FTCDNL1: variants seen among roughly 807,000 people sequenced by gnomAD.
FTCDNL1 encodes the protein formiminotransferase N-terminal subdomain-containing protein.
In FTCDNL1, 11 loss-of-function variants were observed where a neutral mutation model predicts 5.9. That is an observed-to-expected ratio of 1.87 (90% CI 1.18 to 3.10). The LOEUF is 3.10. Among genes scored for constraint, FTCDNL1 ranks in the 30% most tolerant of loss-of-function variants. The pLI, the probability that FTCDNL1 is intolerant of heterozygous loss-of-function variation, is 0.00. For synonymous variants in FTCDNL1, 58 were observed against 24.8 expected, an observed-to-expected ratio of 2.34 and a Z score of -3.99; for missense variants, 115 against 65.5, an observed-to-expected ratio of 1.76 and a Z score of -2.61.
At chr2:199,796,420 C>T (rs1700173012) in intron 3 of FTCDNL1, among the ~76,000 whole-genome samples, 1 of 152,148 alleles carries the variant, frequency 6.6e-6, no homozygotes, top group Admixed American at 6.6e-5. Flanking sequence ...ATTTCTCTAG[C>T]AAACGGTACC....
chr2:199,744,275 C>T, the FTCDNL1 span, among the ~76,000 whole-genome samples: 1 of 152,268 alleles, frequency 6.6e-6, no homozygotes, highest in African/African-American at 2.4e-5. Context: ...GAAACCTGAA[C>T]CCTCAATGTG....
chr2:199,767,604 C>T (rs769715422), intron 3 of FTCDNL1, among the ~76,000 whole-genome samples: 1 of 152,162 alleles, frequency 6.6e-6, no homozygotes, highest in East Asian at 1.9e-4. Flanking sequence ...GATCTGCATT[C>T]GTGAATGGGA....
chr2:199,707,069 G>A, the FTCDNL1 span, among the ~76,000 whole-genome samples: 2,516 of 152,282 alleles, frequency 0.017, 24 homozygotes, highest in Non-Finnish European at 0.02. Flanking sequence ...CATGTCAGAC[G>A]TTATCACTTA....
At position 199,851,144 on chromosome 2, in the gene FTCDNL1, AGCCTCCGCCGCCGCGCGTG is replaced by A. The variant is rs2076868257; in HGVS notation, c.-431_-413del. 7.3e-6 allele frequency: 1 copy of A among 137,510 alleles called. No individual in the cohort carries two copies. Among genetic ancestry groups the A allele is most frequent in the African/African-American group, 3.0e-5 (1 of 32,852 alleles). The allele number at this position is 137,510 out of a possible 1,614,324, so 8.5% of individuals were successfully genotyped here. ...TCGCCGCCGCGCGTGGCCCGCGCGCAGCCTCCGCCGCCGCGCGTGGCCCGCGCGCAGCGTCTGCCGCCGG... is the reference window on the plus strand; with the variant it reads ...TCGCCGCCGCGCGTGGCCCGCGCGCAGCCCGCGCGCAGCGTCTGCCGCCGG... On this transcript the variant is annotated 5_prime_UTR_variant, in exon 1 of 5. Coordinates refer to ENST00000420128, the MANE Select transcript of FTCDNL1 (RefSeq NM_001363886.2).
intron 3 of FTCDNL1, among the ~76,000 whole-genome samples, chr2:199,834,093 T>G (rs1223356924): frequency 6.6e-6 from 1 of 152,124 alleles, no homozygotes; most frequent in Non-Finnish European, 1.5e-5. Context: ...TGAGTTAAGA[T>G]GAGGTCATAC....
At chr2:199,697,517 A>G in the FTCDNL1 span, among the ~76,000 whole-genome samples, 1 of 152,222 alleles carries the variant, frequency 6.6e-6, no homozygotes, top group Non-Finnish European at 1.5e-5. Context: ...AGAATTTCAT[A>G]TCCAGCCAAA....
intron 3 of FTCDNL1, among the ~76,000 whole-genome samples, chr2:199,778,310 T>C (rs549463585): frequency 2.0e-3 from 302 of 152,318 alleles, no homozygotes; most frequent in African/African-American, 6.6e-3. Flanking sequence ...ATCCAGTACA[T>C]TTCTAGGTAC....
the FTCDNL1 span, among the ~76,000 whole-genome samples, chr2:199,716,033 T>TAAAAAAAAAA: frequency 9.2e-6 from 1 of 108,964 alleles, no homozygotes; most frequent in Admixed American, 1.0e-4. Context: ...TGCCTCTAGT[T>TAAAAAAAAAA]AAAAAAAAAA....
chr2:199,789,213 T>C (rs1699803939), intron 3 of FTCDNL1, among the ~76,000 whole-genome samples: 2 of 152,184 alleles, frequency 1.3e-5, no homozygotes, highest in South Asian at 2.1e-4. Context: ...CACAGATTAA[T>C]CTTACAGTGA....
the FTCDNL1 span, among the ~76,000 whole-genome samples, chr2:199,703,816 T>A: frequency 6.6e-6 from 1 of 152,164 alleles, no homozygotes; most frequent in Non-Finnish European, 1.5e-5. Context: ...GTATTTAAAT[T>A]TTTCTATAAC....
the FTCDNL1 span, among the ~76,000 whole-genome samples, chr2:199,722,614 T>G: frequency 6.6e-6 from 1 of 152,180 alleles, no homozygotes; most frequent in African/African-American, 2.4e-5. Flanking sequence ...GGGCTCTTTT[T>G]TGGTTCCACA....
chr2:199,716,798 C>T, the FTCDNL1 span, among the ~76,000 whole-genome samples: 3 of 152,232 alleles, frequency 2.0e-5, no homozygotes, highest in South Asian at 2.1e-4. Context: ...ATAAAATTAG[C>T]AGTTTCCTGG....
chr2:199,683,509 A>AAC, the FTCDNL1 span, among the ~76,000 whole-genome samples: 3 of 151,632 alleles, frequency 2.0e-5, no homozygotes, highest in Non-Finnish European at 4.4e-5. Flanking sequence ...GCTTATTTTT[A>AAC]ACACTACCAG....
intron 4 of FTCDNL1, chr2:199,818,395 T>A (rs2106495928): frequency 6.6e-6 from 1 of 152,336 alleles, no homozygotes; most frequent in East Asian, 1.9e-4. Context: ...AAATCTCATC[T>A]TCATAGGGAA....
chr2:199,788,727 TA>T (rs1699779628), intron 3 of FTCDNL1, among the ~76,000 whole-genome samples: 1 of 151,852 alleles, frequency 6.6e-6, no homozygotes, highest in African/African-American at 2.4e-5. Context: ...TCTGAAAGAA[TA>T]AACAAATTAC....
the FTCDNL1 span, among the ~76,000 whole-genome samples, chr2:199,708,265 G>T: frequency 6.6e-6 from 1 of 151,984 alleles, no homozygotes; most frequent in South Asian, 2.1e-4. Flanking sequence ...ATGACTAGAA[G>T]TTCCACATGA....
At chr2:199,779,282 T>C (rs1356029533) in intron 3 of FTCDNL1, among the ~76,000 whole-genome samples, 9 of 152,052 alleles carry the variant, frequency 5.9e-5, no homozygotes, top group African/African-American at 1.2e-4. Flanking sequence ...TCTAGAAGAG[T>C]TATTCACTCT....
At chr2:199,685,447 C>T in the FTCDNL1 span, among the ~76,000 whole-genome samples, 391 of 152,294 alleles carry the variant, frequency 2.6e-3, 1 homozygote, top group Middle Eastern at 3.4e-3. Context: ...TTACTTCGGA[C>T]CCCATGTTCA....
the FTCDNL1 span, among the ~76,000 whole-genome samples, chr2:199,673,770 T>C: frequency 2.0e-5 from 3 of 152,232 alleles, no homozygotes; most frequent in Non-Finnish European, 4.4e-5. Context: ...ATGAGACTTT[T>C]GATTATGTCT....
Sources: allele counts gnomAD v4.1 joint callset (sites outside exome capture counted in the v4.1 genomes callset), GRCh38; gene constraint gnomAD v4.1.1; transcripts MANE v1.5; gene names NCBI Gene and HGNC (gene_info 2026-07-23, HGNC 2026-07-21).